MAPK10: variants seen among roughly 807,000 people sequenced by gnomAD.
MAPK10 encodes the protein JNK3 alpha protein kinase.
Under a neutral mutation model 59.3 loss-of-function variants are expected in MAPK10, and 25 were observed. That is an observed-to-expected ratio of 0.42 (90% CI 0.31 to 0.59). The LOEUF (loss-of-function observed/expected upper bound fraction) is 0.59, where lower values mean the gene tolerates loss of function less well. Ranked by LOEUF, MAPK10 falls within the 20% of genes least tolerant of loss-of-function variation. The pLI is 0.15. For synonymous variants in MAPK10, 190 were observed against 200.5 expected (o/e 0.95, Z 0.44); for missense variants, 351 against 568.9 (o/e 0.62, Z 3.90).
chr4:86,317,586 C>T (rs530574717), intron 2 of MAPK10, among the ~76,000 whole-genome samples: 1 of 152,292 alleles, frequency 6.6e-6, no homozygotes, highest in Non-Finnish European at 1.5e-5. Context: ...TCTTTTCCTT[C>T]TTTCACACCA....
intron 1 of MAPK10, among the ~76,000 whole-genome samples, chr4:86,473,649 C>T (rs1158921776): frequency 6.6e-6 from 1 of 152,186 alleles, no homozygotes; most frequent in African/African-American, 2.4e-5. Flanking sequence ...AATTTTAAAA[C>T]CGCATTAGAG....
chr4:86,222,426 C>T (rs140189625), intron 2 of MAPK10, among the ~76,000 whole-genome samples: 69 of 152,234 alleles, frequency 4.5e-4, no homozygotes, highest in African/African-American at 1.5e-3. Flanking sequence ...TACTCCTCTT[C>T]CCCAGTGACT....
intron 1 of MAPK10, among the ~76,000 whole-genome samples, chr4:86,391,814 A>C (rs1001227907): frequency 3.3e-5 from 5 of 152,228 alleles, no homozygotes; most frequent in Non-Finnish European, 7.3e-5. Context: ...CCCAGCATGC[A>C]TTCACACTTA....
chr4:86,157,414 G>A (rs2068145572), intron 4 of MAPK10, among the ~76,000 whole-genome samples: 1 of 151,844 alleles, frequency 6.6e-6, no homozygotes, highest in African/African-American at 2.4e-5. Flanking sequence ...CTGCTCCAAA[G>A]AAAATAAGGC....
At chr4:86,267,942 A>G (rs2094310558) in intron 2 of MAPK10, among the ~76,000 whole-genome samples, 1 of 152,204 alleles carries the variant, frequency 6.6e-6, no homozygotes, top group East Asian at 1.9e-4. Flanking sequence ...ATTACAATGT[A>G]AATTATTTGG....
intron 3 of MAPK10, among the ~76,000 whole-genome samples, chr4:86,173,086 T>G (rs1363303075): frequency 6.6e-6 from 1 of 151,772 alleles, no homozygotes; most frequent in Non-Finnish European, 1.5e-5. Flanking sequence ...CAAAGTATGA[T>G]TGACATTCTT....
chr4:86,128,346 C>T (rs940769883), intron 4 of MAPK10, among the ~76,000 whole-genome samples: 7 of 152,068 alleles, frequency 4.6e-5, no homozygotes, highest in Non-Finnish European at 8.8e-5. Flanking sequence ...ATAATCCCCA[C>T]GTGTCCTGAG....
intron 1 of MAPK10, among the ~76,000 whole-genome samples, chr4:86,357,399 A>G (rs1323119004): frequency 6.6e-6 from 1 of 152,200 alleles, no homozygotes; most frequent in Non-Finnish European, 1.5e-5. Flanking sequence ...TAAAACCTTA[A>G]AAATATATTT....
intron 2 of MAPK10, among the ~76,000 whole-genome samples, chr4:86,333,188 C>T (rs192278079): frequency 5.7e-4 from 86 of 152,212 alleles, no homozygotes; most frequent in Non-Finnish European, 5.0e-4. Flanking sequence ...AGGCCATACC[C>T]GCTTCCTTCT....
intron 8 of MAPK10, 53 bp downstream of exon 8, chr4:86,100,999 C>T (rs552988619): frequency 3.0e-5 from 46 of 1,510,200 alleles, no homozygotes; most frequent in Admixed American, 1.0e-4. Context: ...CTATCTACAA[C>T]GTGCACCCGT....
chr4:86,159,440 A>G lies in MAPK10; in HGVS notation c.94T>C (p.Tyr32His). ...QGFDKQVDVSYIAKHYNMSKS... is the reference protein window; with the variant it reads ...QGFDKQVDVSHIAKHYNMSKS... ...CTCATGTTGTAATGTTTGGCAATAT[A>G]TGACACATCCACTTGTTTATCGAAT... is the stretch of plus-strand genomic sequence containing the variant. Residue 32 changes from tyrosine (Y) to histidine (H), a missense_variant, in exon 4 of 14, where the codon TAT becomes CAT. By Grantham distance (83) the Tyr-to-His change is moderately conservative. Coordinates refer to ENST00000641462, the MANE Select transcript of MAPK10 (RefSeq NM_138982.4). 1 of 1,611,516 alleles carries G rather than the reference A, an allele frequency of 6.2e-7. No individual in the cohort carries two copies. The highest frequency in any genetic ancestry group is 8.5e-7 in the Non-Finnish European group (1 of 1,178,526).
At chr4:86,468,980 C>T (rs1466178795) in intron 1 of MAPK10, among the ~76,000 whole-genome samples, 5 of 152,086 alleles carry the variant, frequency 3.3e-5, no homozygotes, top group Admixed American at 1.3e-4. Flanking sequence ...ATAAGAAATA[C>T]AAATGAAGAA....
chr4:86,061,968 T>C (rs985119668), intron 11 of MAPK10, among the ~76,000 whole-genome samples: 7 of 152,176 alleles, frequency 4.6e-5, no homozygotes, highest in African/African-American at 1.7e-4. Context: ...GGTTATCTTA[T>C]GTTAAACACA....
intron 4 of MAPK10, among the ~76,000 whole-genome samples, chr4:86,151,031 G>T (rs1017248654): frequency 2.8e-4 from 42 of 152,228 alleles, no homozygotes; most frequent in African/African-American, 9.9e-4. Flanking sequence ...TTGGTGAGAG[G>T]TCGTCCATAG....
chr4:86,213,027 G>T (rs1202092022), intron 2 of MAPK10, among the ~76,000 whole-genome samples: 1 of 152,074 alleles, frequency 6.6e-6, no homozygotes, highest in Admixed American at 6.6e-5. Flanking sequence ...TATGAAGTTA[G>T]AAACCAATAA....
chr4:86,427,739 AAT>A (rs1185941352), intron 1 of MAPK10, among the ~76,000 whole-genome samples: 1 of 152,206 alleles, frequency 6.6e-6, no homozygotes, highest in African/African-American at 2.4e-5. Context: ...CTCTTCTTCA[AAT>A]ATGTTAAAAT....
intron 9 of MAPK10, among the ~76,000 whole-genome samples, chr4:86,087,326 T>G (rs2052100484): frequency 6.6e-6 from 1 of 152,150 alleles, no homozygotes; most frequent in South Asian, 2.1e-4. Context: ...GTTAACAAAT[T>G]GAGTCTATTT....
chr4:86,076,176 G>A (rs898921614), intron 9 of MAPK10, among the ~76,000 whole-genome samples: 1 of 152,154 alleles, frequency 6.6e-6, no homozygotes, highest in African/African-American at 2.4e-5. Flanking sequence ...TCTGTCACCC[G>A]TTTCTTTGAC....
chr4:86,197,681 A>T (rs1271272474), intron 2 of MAPK10, among the ~76,000 whole-genome samples: 2 of 152,130 alleles, frequency 1.3e-5, no homozygotes. Context: ...AAGCAAAATA[A>T]TCTGAGAGGG....
Sources: allele counts gnomAD v4.1 joint callset (sites outside exome capture counted in the v4.1 genomes callset), GRCh38; gene constraint gnomAD v4.1.1; transcripts MANE v1.5; gene names NCBI Gene and HGNC (gene_info 2026-07-23, HGNC 2026-07-21).